Variants in GPR45 observed in about 807,000 individuals in gnomAD.
The protein encoded by GPR45 is probable G protein-coupled receptor 45.
In GPR45, 7 loss-of-function variants were observed where a neutral mutation model predicts 5.9. The observed-to-expected ratio is 1.19, with a 90% CI of 0.68 to 2.23. The LOEUF (loss-of-function observed/expected upper bound fraction) is 2.23, where lower values mean the gene tolerates loss of function less well. GPR45 is among the 30% of genes most tolerant of loss of function. GPR45 has a pLI of 0.00. For synonymous variants in GPR45, 220 were observed against 226.3 expected, an observed-to-expected ratio of 0.97 and a Z score of 0.25; for missense variants, 440 against 496.9, an observed-to-expected ratio of 0.89 and a Z score of 1.09.
In GPR45 at chr2:105,241,818, C is replaced by T; in HGVS notation, c.-41C>T. 6.6e-7 allele frequency: 1 copy of T among 1,524,456 alleles called. No homozygotes were observed. Among genetic ancestry groups the T allele is most frequent in the East Asian group, 2.3e-5 (1 of 44,008 alleles). The allele number at this position is 1,524,456 out of a possible 1,614,324, so 94.4% of individuals were successfully genotyped here. A position where few individuals can be genotyped will look rare whatever the true frequency, so the allele number is the denominator to read the frequency against. On this transcript the variant is annotated 5_prime_UTR_variant, in exon 1 of 1. Coordinates refer to ENST00000258456, the MANE Select transcript of GPR45 (RefSeq NM_007227.3). ...AGCCACCCAAGTGCTGAGGGGAGCC[C>T]TCCCGGCCATTTCTGTCCCAGCTCC...
In GPR45 at chr2:105,242,151, T is replaced by C. The variant is rs1165326711; in HGVS notation, c.293T>C (p.Val98Ala). 24 of 1,614,058 alleles carry C rather than the reference T, an allele frequency of 1.5e-5. No individual in the cohort carries two copies. The highest frequency in any genetic ancestry group is 1.9e-5 in the Non-Finnish European group (22 of 1,180,048). Residue 98 changes from valine to alanine, a missense_variant, in exon 1 of 1, where the codon GTG becomes GCG. By Grantham distance (64) the Val-to-Ala change is moderately conservative. Coordinates refer to ENST00000258456, the MANE Select transcript of GPR45 (RefSeq NM_007227.3). The surrounding 1 kb of genome is among the most constrained non-coding windows in gnomAD (Gnocchi z 4.8). Reference protein sequence around the residue: ...MPFTAVTLITVRWHFGDHFCR... With the variant: ...MPFTAVTLITARWHFGDHFCR... ...TTCACCGCCGTCACCCTCATCACCG[T>C]GCGCTGGCACTTTGGGGACCACTTC... is the stretch of plus-strand genomic sequence containing the variant.
chr2:105,243,353 C>T lies in GPR45; in HGVS notation c.*376C>T, dbSNP rs549072368. The stretch of plus-strand genomic sequence containing the variant: ...CAAGAGCTTCAACCTGCCCTGCGAG[C>T]CCTCTCTGCACCTGCTCAAGAGAAA... On this transcript the variant is annotated 3_prime_UTR_variant, in exon 1 of 1. Coordinates refer to ENST00000258456, the MANE Select transcript of GPR45 (RefSeq NM_007227.3). Among the ~76,000 whole-genome samples the T allele has an allele frequency of 1.3e-5, 2 of 152,162 alleles. No individual in the cohort carries two copies. Among genetic ancestry groups the T allele is most frequent in the African/African-American group, 4.8e-5 (2 of 41,532 alleles).
At position 105,242,618 on chromosome 2, in the gene GPR45, C is replaced by A; in HGVS notation, c.760C>A (p.Gln254Lys). Reference sequence around the variant, plus strand: ...CCTGCGGCGCCTGCAGCGGCAGCAACAGGTCAGCGTGGACTTGAGCTTCAA... The same window carrying A: ...CCTGCGGCGCCTGCAGCGGCAGCAAAAGGTCAGCGTGGACTTGAGCTTCAA... ...AGLRRLQRQQ[Q>K]VSVDLSFKTK... is the part of the protein sequence containing the mutation. The change falls in exon 1 of 1, where the codon CAG (glutamine) becomes AAG (lysine). Residue 254 changes from glutamine to lysine, a missense_variant. Physicochemically the swap from Gln to Lys is moderately conservative, Grantham distance 53. Coordinates refer to ENST00000258456, the MANE Select transcript of GPR45 (RefSeq NM_007227.3). The surrounding 1 kb of genome is among the most constrained non-coding windows in gnomAD (Gnocchi z 4.8). The A allele has an allele frequency of 1.9e-6, 3 of 1,607,706 alleles. No homozygotes were observed. Among genetic ancestry groups the A allele is most frequent in the Non-Finnish European group, 2.6e-6 (3 of 1,176,024 alleles).
At position 105,243,373 on chromosome 2, in the gene GPR45, G is replaced by A. The variant is rs560995791; in HGVS notation, c.*396G>A. 4.5e-4 allele frequency among the ~76,000 whole-genome samples: 68 copies of A among 152,216 alleles called. No homozygotes were observed. Among genetic ancestry groups the A allele is most frequent in the African/African-American group, 1.6e-3 (67 of 41,540 alleles). On this transcript the variant is annotated 3_prime_UTR_variant, in exon 1 of 1. Transcript: ENST00000258456. ...GCGAGCCCTCTCTGCACCTGCTCAA[G>A]AGAAACCCTGAGAAACCCCAGTAGG...
In GPR45 at chr2:105,243,153, ATG is replaced by A; in HGVS notation, c.*177_*178del. The A allele has an allele frequency of 1.2e-6, 1 of 830,308 alleles. No homozygotes were observed. Among genetic ancestry groups the A allele is most frequent in the South Asian group, 2.2e-5 (1 of 44,608 alleles). The allele number at this position is 830,308 out of a possible 1,614,324, so 51.4% of individuals were successfully genotyped here. On this transcript the variant is annotated 3_prime_UTR_variant, in exon 1 of 1. Coordinates refer to ENST00000258456, the MANE Select transcript of GPR45 (RefSeq NM_007227.3). ...CTCCCAAATTTCAAATTTTGGCACG[ATG>A]AATTATTTTTGTTTCTCTTTGCAGA... is the stretch of plus-strand genomic sequence containing the variant.
At position 105,242,632 on chromosome 2, in the gene GPR45, C is replaced by A. The variant is rs768416385; in HGVS notation, c.774C>A (p.Asp258Glu). 6.2e-7 allele frequency: 1 copy of A among 1,603,708 alleles called. No individual in the cohort carries two copies. The highest frequency in any genetic ancestry group is 2.2e-5 in the East Asian group (1 of 44,738). Reference protein sequence around the residue: ...RLQRQQQVSVDLSFKTKAFTT... With the variant: ...RLQRQQQVSVELSFKTKAFTT... Reference sequence around the variant, plus strand: ...AGCGGCAGCAACAGGTCAGCGTGGACTTGAGCTTCAAGACCAAGGCCTTCA... The same window carrying A: ...AGCGGCAGCAACAGGTCAGCGTGGAATTGAGCTTCAAGACCAAGGCCTTCA... Residue 258 changes from aspartate (D) to glutamate (E), a missense_variant, in exon 1 of 1, where the codon GAC becomes GAA. Transcript: ENST00000258456. This position sits in a 1 kb window ranked among gnomAD's most constrained non-coding sequence, Gnocchi z 4.8.
Position 105,242,499 on chromosome 2 carries a change from C to T in GPR45, c.641C>T (p.Ala214Val), listed in dbSNP as rs1676371207. 15 of 1,605,390 alleles carry T rather than the reference C, an allele frequency of 9.3e-6. No homozygotes were observed. Among genetic ancestry groups the T allele is most frequent in the Non-Finnish European group, 1.3e-5 (15 of 1,179,864 alleles). Reference protein sequence around the residue: ...FFAPFGVMLCAYMCILNTVRK... With the variant: ...FFAPFGVMLCVYMCILNTVRK... ...GCGCCCTTTGGCGTCATGCTGTGCGCCTACATGTGCATCCTCAACACGGTC... is the reference window on the plus strand; with the variant it reads ...GCGCCCTTTGGCGTCATGCTGTGCGTCTACATGTGCATCCTCAACACGGTC... Residue 214 changes from alanine to valine, a missense_variant, in exon 1 of 1, where the codon GCC (alanine) becomes GTC (valine). By Grantham distance (64) the Ala-to-Val change is moderately conservative (BLOSUM62 0). Coordinates refer to ENST00000258456, the MANE Select transcript of GPR45 (RefSeq NM_007227.3). The surrounding 1 kb of genome is among the most constrained non-coding windows in gnomAD (Gnocchi z 4.8).
At position 105,243,136 on chromosome 2, in the gene GPR45, T is replaced by C; in HGVS notation, c.*159T>C. On this transcript the variant is annotated 3_prime_UTR_variant, in exon 1 of 1. Coordinates refer to ENST00000258456, the MANE Select transcript of GPR45 (RefSeq NM_007227.3). ...AATCAGATGAGCTGCAGCTCCCAAA[T>C]TTCAAATTTTGGCACGATGAATTAT... The C allele has an allele frequency of 3.1e-6, 3 of 981,176 alleles. No individual in the cohort carries two copies. The highest frequency in any genetic ancestry group is 4.4e-6 in the Non-Finnish European group (3 of 682,694). The allele number at this position is 981,176 out of a possible 1,614,324, so 60.8% of individuals were successfully genotyped here.
Position 105,242,607 on chromosome 2 carries a change from AG to A in GPR45, c.750del (p.Gln250HisfsTer10). On this transcript the variant is annotated frameshift_variant, in exon 1 of 1. Transcript: ENST00000258456. LOFTEE classifies it high-confidence loss of function. The surrounding 1 kb of genome is among the most constrained non-coding windows in gnomAD (Gnocchi z 4.8). ...QLTRAGLRRLQRQQQVSVDLS... is the reference protein window; with the variant it reads ...QLTRAGLRRLXRQQQVSVDLS... ...ACCAGGGCGGGCCTGCGGCGCCTGC[AG>A]CGGCAGCAACAGGTCAGCGTGGACT... The A allele has an allele frequency of 6.2e-7, 1 of 1,609,214 alleles. No homozygotes were observed. The highest frequency in any genetic ancestry group is 8.5e-7 in the Non-Finnish European group (1 of 1,176,968).
rs1676388325 is a variant in GPR45 at position 105,243,391 on chromosome 2, CCAG to C, written c.*415_*417del. On this transcript the variant is annotated 3_prime_UTR_variant, in exon 1 of 1. Transcript: ENST00000258456. ...TGCTCAAGAGAAACCCTGAGAAACC[CCAG>C]TAGGTGTGAGCTCCTGGGTGTTCAT... 2.0e-5 allele frequency among the ~76,000 whole-genome samples: 3 copies of C among 152,110 alleles called. No homozygotes were observed. The highest frequency in any genetic ancestry group is 2.9e-5 in the Non-Finnish European group (2 of 68,016).
Position 105,243,244 on chromosome 2 carries a change from A to G in GPR45, c.*267A>G, listed in dbSNP as rs1373615672. On this transcript the variant is annotated 3_prime_UTR_variant, in exon 1 of 1. Transcript: ENST00000258456. The stretch of plus-strand genomic sequence containing the variant: ...AAGTCAAAAATGGAGTGGGCTGGGG[A>G]GTGCAGAAGTTGGGCAGAAAGGGAG... 6.6e-6 allele frequency among the ~76,000 whole-genome samples: 1 copy of G among 152,136 alleles called. No individual in the cohort carries two copies. Among genetic ancestry groups the G allele is most frequent in the East Asian group, 1.9e-4 (1 of 5,188 alleles).
At position 105,242,979 on chromosome 2, in the gene GPR45, G is replaced by A. The variant is rs1676380468; in HGVS notation, c.*2G>A. ...AATGAAAACCAGTCTGCGGTTTAGG[G>A]GGTCAGGGGGCCACAGAGAAGGGGC... is the stretch of plus-strand genomic sequence containing the variant. On this transcript the variant is annotated 3_prime_UTR_variant, in exon 1 of 1. Transcript: ENST00000258456. This position sits in a 1 kb window ranked among gnomAD's most constrained non-coding sequence, Gnocchi z 4.8. 6.2e-7 allele frequency: 1 copy of A among 1,610,684 alleles called. No homozygotes were observed. The highest frequency in any genetic ancestry group is 1.3e-5 in the African/African-American group (1 of 74,822).
rs1018974909 is a variant in GPR45 at position 105,243,466 on chromosome 2, G to A, written c.*489G>A. On this transcript the variant is annotated 3_prime_UTR_variant, in exon 1 of 1. Transcript: ENST00000258456. The stretch of plus-strand genomic sequence containing the variant: ...TTCTTCAGCTATTGATGTTTGTGGT[G>A]TGTGGGGACTCACATGAGGTTCTTT... Among the ~76,000 whole-genome samples, 2 of 152,302 alleles carry A rather than the reference G, an allele frequency of 1.3e-5. No homozygotes were observed. Among genetic ancestry groups the A allele is most frequent in the Admixed American group, 1.3e-4 (2 of 15,308 alleles).
chr2:105,242,498 G>T lies in GPR45; in HGVS notation c.640G>T (p.Ala214Ser). ...FFAPFGVMLC[A>S]YMCILNTVRK... ...CGCGCCCTTTGGCGTCATGCTGTGC[G>T]CCTACATGTGCATCCTCAACACGGT... is the stretch of plus-strand genomic sequence containing the variant. The change falls in exon 1 of 1, where the codon GCC becomes TCC. Residue 214 changes from alanine to serine, a missense_variant. Transcript: ENST00000258456. This position sits in a 1 kb window ranked among gnomAD's most constrained non-coding sequence, Gnocchi z 4.8. The T allele has an allele frequency of 6.2e-7, 1 of 1,605,324 alleles. No homozygotes were observed. Among genetic ancestry groups the T allele is most frequent in the Non-Finnish European group, 8.5e-7 (1 of 1,179,830 alleles).
Position 105,241,759 on chromosome 2 carries a change from T to C in GPR45, c.-100T>C. The C allele has an allele frequency of 7.4e-7, 1 of 1,343,948 alleles. No individual in the cohort carries two copies. The highest frequency in any genetic ancestry group is 1.4e-5 in the South Asian group (1 of 69,302). The allele number at this position is 1,343,948 out of a possible 1,614,324, so 83.3% of individuals were successfully genotyped here. ...CCAGTGCCCCAGAGGTCCACAGACA[T>C]CCAGGAAGATGCAGCCAGCAGACAA... is the stretch of plus-strand genomic sequence containing the variant. On this transcript the variant is annotated 5_prime_UTR_variant, in exon 1 of 1. Coordinates refer to ENST00000258456, the MANE Select transcript of GPR45 (RefSeq NM_007227.3).
chr2:105,242,008 G>C lies in GPR45; in HGVS notation c.150G>C (p.Leu50=), dbSNP rs201549672. 304 of 1,613,662 alleles carry C rather than the reference G, an allele frequency of 1.9e-4. No individual in the cohort carries two copies. The highest frequency in any genetic ancestry group is 2.5e-4 in the Non-Finnish European group (298 of 1,179,700). ...TGCTGATGACCGTGGTGGGGTTCCT[G>C]GGCAACACTGTGGTCTGCATCATCG... is the stretch of plus-strand genomic sequence containing the variant. ...VMLLMTVVGF[L]GNTVVCIIVY... Residue 50 remains leucine, a synonymous_variant, in exon 1 of 1, where the codon CTG becomes CTC. Transcript: ENST00000258456. The surrounding 1 kb of genome is among the most constrained non-coding windows in gnomAD (Gnocchi z 4.8).
rs1676357266 is a variant in GPR45, at chr2:105,241,835, C to G, written c.-24C>G. 1.3e-6 allele frequency: 2 copies of G among 1,529,768 alleles called. No individual in the cohort carries two copies. The highest frequency in any genetic ancestry group is 1.4e-5 in the African/African-American group (1 of 72,444). 94.8% of individuals were successfully genotyped at this position (1,529,768 alleles called of 1,614,324 possible). On this transcript the variant is annotated 5_prime_UTR_variant, in exon 1 of 1. Coordinates refer to ENST00000258456, the MANE Select transcript of GPR45 (RefSeq NM_007227.3). ...GGGGAGCCCTCCCGGCCATTTCTGT[C>G]CCAGCTCCAAGGGTCTCTCCACGAT...
In GPR45 at chr2:105,242,443, C is replaced by A; in HGVS notation, c.585C>A (p.Tyr195Ter). The part of the protein sequence containing the change: ...GYTELPADRA[Y>*]VVTLVVAVFF... ...CGGAGCTCCCCGCTGACCGCGCCTA[C>A]GTGGTCACCTTGGTGGTGGCCGTGT... The change falls in exon 1 of 1, where the codon TAC becomes TAA. Residue 195 changes from tyrosine (Y) to a stop codon, truncating the protein, a stop_gained. Coordinates refer to ENST00000258456, the MANE Select transcript of GPR45 (RefSeq NM_007227.3). LOFTEE classifies it low-confidence loss of function (END_TRUNC). The surrounding 1 kb of genome is among the most constrained non-coding windows in gnomAD (Gnocchi z 4.8). 6.2e-7 allele frequency: 1 copy of A among 1,608,894 alleles called. No individual in the cohort carries two copies.
At position 105,242,518 on chromosome 2, in the gene GPR45, C is replaced by T. The variant is rs1447048416; in HGVS notation, c.660C>T (p.Asn220=). The change falls in exon 1 of 1, where the codon AAC becomes AAT. Residue 220 remains asparagine (N), a synonymous_variant. Transcript: ENST00000258456. This position sits in a 1 kb window ranked among gnomAD's most constrained non-coding sequence, Gnocchi z 4.8. The stretch of plus-strand genomic sequence containing the variant: ...TGTGCGCCTACATGTGCATCCTCAA[C>T]ACGGTCCGCAAGAACGCCGTGCGCG... ...VMLCAYMCIL[N]TVRKNAVRVH... The T allele has an allele frequency of 6.2e-7, 1 of 1,605,976 alleles. No homozygotes were observed. Among genetic ancestry groups the T allele is most frequent in the Non-Finnish European group, 8.5e-7 (1 of 1,179,878 alleles).
Sources: allele counts gnomAD v4.1 joint callset (sites outside exome capture counted in the v4.1 genomes callset), GRCh38; gene constraint gnomAD v4.1.1; non-coding constraint Gnocchi (gnomAD v3.1); transcripts MANE v1.5; gene names NCBI Gene and HGNC (gene_info 2026-07-23, HGNC 2026-07-21).